The following ASB13 variants were observed in gnomAD, a reference collection of about 807,000 sequenced individuals.
The protein encoded by ASB13 is ankyrin repeat and SOCS box containing 13, also known as ankyrin repeat and SOCS box protein 13.
In ASB13, 33 loss-of-function variants were observed where a neutral mutation model predicts 28.8. The ratio of observed to expected loss-of-function variants is 1.15; its 90% CI spans 0.87 to 1.53. The LOEUF is 1.53. Ranked by LOEUF, ASB13 falls within the 40% of genes most tolerant of loss-of-function variation. The pLI is 0.00. For synonymous variants in ASB13, 182 were observed against 172.9 expected, an observed-to-expected ratio of 1.05 and a Z score of -0.41; for missense variants, 414 against 390.1, an observed-to-expected ratio of 1.06 and a Z score of -0.52.
In ASB13 at chr10:5,656,164, T is replaced by A. The variant is rs2131453769; in HGVS notation, c.44-3114A>T. On this transcript the variant is annotated intron_variant, in intron 1 of 5. Coordinates refer to ENST00000357700, the MANE Select transcript of ASB13 (RefSeq NM_024701.4). This position sits in a 1 kb window ranked among gnomAD's most constrained non-coding sequence, Gnocchi z 4.3. ...ACCTCTGTACCCCAGAACCTGGCAC[T>A]GTCCAAGAAGATGCTGGTATCCACG... Among the ~76,000 whole-genome samples, 1 of 152,286 alleles carries A rather than the reference T, an allele frequency of 6.6e-6. No individual in the cohort carries two copies.
rs1007620701 is a variant in ASB13, at chr10:5,661,970, G to T, written c.43+4539C>A. Among the ~76,000 whole-genome samples the T allele has an allele frequency of 6.6e-6, 1 of 152,138 alleles. No homozygotes were observed. The highest frequency in any genetic ancestry group is 2.4e-5 in the African/African-American group (1 of 41,432). ...AGTAAGCATTCTTGAAATGGTGAGG[G>T]TGGGCCCTCCACCCTGACCCACCCA... On this transcript the variant is annotated intron_variant, in intron 1 of 5. Coordinates refer to ENST00000357700, the MANE Select transcript of ASB13 (RefSeq NM_024701.4). The surrounding 1 kb of genome is among the most constrained non-coding windows in gnomAD (Gnocchi z 4.9).
At chr10:5,647,333 C>T (rs75888589) in intron 4 of ASB13, among the ~76,000 whole-genome samples, 4,308 of 152,284 alleles carry the variant, frequency 0.028, 213 homozygotes, top group African/African-American at 0.099. Flanking sequence ...AATTTTCCCT[C>T]AACAAAACAT....
Position 5,641,226 on chromosome 10 carries a change from C to A in ASB13, c.710-396G>T, listed in dbSNP as rs547673750. Among the ~76,000 whole-genome samples the A allele has an allele frequency of 2.6e-5, 4 of 152,228 alleles. No individual in the cohort carries two copies. In the South Asian group the frequency reaches 8.3e-4, roughly 32 times the overall value. On this transcript the variant is annotated intron_variant, in intron 5 of 5. Coordinates refer to ENST00000357700, the MANE Select transcript of ASB13 (RefSeq NM_024701.4). The surrounding 1 kb of genome is among the most constrained non-coding windows in gnomAD (Gnocchi z 8.4). ...AAGCAATTCTCCTGCCTCAACCTCC[C>A]GAGTAGCTGGGATTACAGGCACCCA...
chr10:5,666,508 C>T lies in ASB13; in HGVS notation c.43+1G>A, dbSNP rs1049518589. 2.1e-4 allele frequency: 266 copies of T among 1,289,034 alleles called. No individual in the cohort carries two copies. The highest frequency in any genetic ancestry group is 2.5e-4 in the Non-Finnish European group (257 of 1,013,634). The allele number at this position is 1,289,034 out of a possible 1,614,324, so 79.8% of individuals were successfully genotyped here. A position where few individuals can be genotyped will look rare whatever the true frequency, so the allele number is the denominator to read the frequency against. On this transcript the variant is annotated splice_donor_variant, in intron 1 of 5. Transcript: ENST00000357700. LOFTEE classifies it high-confidence loss of function. ...CTGACCTCCGCGGCGCCCGCACGTACCCACGTCGCCCAGGAAGCAGCCGTC... is the reference window on the plus strand; with the variant it reads ...CTGACCTCCGCGGCGCCCGCACGTATCCACGTCGCCCAGGAAGCAGCCGTC...
Position 5,648,982 on chromosome 10 carries a change from G to A in ASB13, c.505C>T (p.Leu169=), listed in dbSNP as rs138626467. ...AREHLDCVKV[L]LNAGANVNAA... is the part of the protein sequence containing the mutation. ...AACACCCACTCACCTGCATTGAGCA[G>A]CACTTTGACACAGTCCAGATGCTCC... Residue 169 remains leucine, a synonymous_variant, in exon 4 of 6, where the codon CTG becomes TTG. Coordinates refer to ENST00000357700, the MANE Select transcript of ASB13 (RefSeq NM_024701.4). 5 of 1,613,846 alleles carry A rather than the reference G, an allele frequency of 3.1e-6. No individual in the cohort carries two copies. In the African/African-American group the frequency reaches 6.7e-5, roughly 22 times the overall value.
rs1489751591 is a variant in ASB13, at chr10:5,664,179, G to T, written c.43+2330C>A. On this transcript the variant is annotated intron_variant, in intron 1 of 5. Coordinates refer to ENST00000357700, the MANE Select transcript of ASB13 (RefSeq NM_024701.4). The surrounding 1 kb of genome is among the most constrained non-coding windows in gnomAD (Gnocchi z 4.2). Reference sequence around the variant, plus strand: ...AACTACCCCTGGGAGGGCACTGAACGCAAAGGGATGCGCAAATCCCCATAA... The same window carrying T: ...AACTACCCCTGGGAGGGCACTGAACTCAAAGGGATGCGCAAATCCCCATAA... Among the ~76,000 whole-genome samples the T allele has an allele frequency of 6.6e-6, 1 of 152,072 alleles. No homozygotes were observed. The highest frequency in any genetic ancestry group is 1.5e-5 in the Non-Finnish European group (1 of 68,010).
chr10:5,665,829 C>T (rs901967780), intron 1 of ASB13, among the ~76,000 whole-genome samples: 3 of 152,146 alleles, frequency 2.0e-5, no homozygotes, highest in African/African-American at 7.2e-5. Context: ...TTTCATAGTG[C>T]TTCCGTCGCT....
At position 5,651,585 on chromosome 10, in the gene ASB13, A is replaced by G. The variant is rs1000552145; in HGVS notation, c.232-222T>C. ...ATCTCGTTCAGGATTCTTTTCTCTCAGGGCAGGATAAGCTCAGCAGCCCCC... is the reference window on the plus strand; with the variant it reads ...ATCTCGTTCAGGATTCTTTTCTCTCGGGGCAGGATAAGCTCAGCAGCCCCC... On this transcript the variant is annotated intron_variant, in intron 2 of 5. Coordinates refer to ENST00000357700, the MANE Select transcript of ASB13 (RefSeq NM_024701.4). The surrounding 1 kb of genome is among the most constrained non-coding windows in gnomAD (Gnocchi z 5.1). 1.9e-6 allele frequency: 1 copy of G among 527,906 alleles called. No homozygotes were observed. Among genetic ancestry groups the G allele is most frequent in the South Asian group, 2.3e-5 (1 of 42,706 alleles). The allele number at this position is 527,906 out of a possible 1,614,324, so 32.7% of individuals were successfully genotyped here.
Position 5,653,106 on chromosome 10 carries a change from G to A in ASB13, c.44-56C>T, listed in dbSNP as rs1463883968. The A allele has an allele frequency of 4.1e-6, 6 of 1,469,334 alleles. No homozygotes were observed. In the Admixed American group the frequency reaches 1.4e-4, roughly 34 times the overall value. The allele number at this position is 1,469,334 out of a possible 1,614,324, so 91.0% of individuals were successfully genotyped here. ...CCTGCCACTTCCATCCAGGACAAAT[G>A]AGCACACGTAAGACTCCAGGGTCCC... On this transcript the variant is annotated intron_variant, in intron 1 of 5. Coordinates refer to ENST00000357700, the MANE Select transcript of ASB13 (RefSeq NM_024701.4).
chr10:5,641,668 A>T lies in ASB13; in HGVS notation c.709+102T>A. On this transcript the variant is annotated intron_variant, in intron 5 of 5. Coordinates refer to ENST00000357700, the MANE Select transcript of ASB13 (RefSeq NM_024701.4). The surrounding 1 kb of genome is among the most constrained non-coding windows in gnomAD (Gnocchi z 8.4). ...CCTAGCGCAGAGGACAGGAGCCAGG[A>T]CTAACAGCCCAGCTCTCCGCGGAAG... The T allele has an allele frequency of 7.9e-7, 1 of 1,269,012 alleles. No individual in the cohort carries two copies. Among genetic ancestry groups the T allele is most frequent in the Non-Finnish European group, 1.1e-6 (1 of 924,124 alleles). 78.6% of individuals were successfully genotyped at this position (1,269,012 alleles called of 1,614,324 possible).
rs1835206646 is a variant in ASB13 at position 5,663,456 on chromosome 10, C to T, written c.43+3053G>A. On this transcript the variant is annotated intron_variant, in intron 1 of 5. Transcript: ENST00000357700. This position sits in a 1 kb window ranked among gnomAD's most constrained non-coding sequence, Gnocchi z 4.9. ...CCTTGCCCCTGGTCCACCCCAAAGGCTATGGCCCAGGGAGCATGGGGAGGG... is the reference window on the plus strand; with the variant it reads ...CCTTGCCCCTGGTCCACCCCAAAGGTTATGGCCCAGGGAGCATGGGGAGGG... 6.6e-6 allele frequency among the ~76,000 whole-genome samples: 1 copy of T among 152,126 alleles called. No individual in the cohort carries two copies. The highest frequency in any genetic ancestry group is 2.4e-5 in the African/African-American group (1 of 41,444).
In ASB13 at chr10:5,645,635, T is replaced by C. The variant is rs1416611787; in HGVS notation, c.517+3335A>G. 2.6e-5 allele frequency among the ~76,000 whole-genome samples: 4 copies of C among 152,192 alleles called. No homozygotes were observed. Among genetic ancestry groups the C allele is most frequent in the Non-Finnish European group, 5.9e-5 (4 of 68,032 alleles). ...CACCTGCACTCATGTGGGCCCCGAC[T>C]GGTTCAATCCCTCTCCCCTCTCCAC... On this transcript the variant is annotated intron_variant, in intron 4 of 5. Transcript: ENST00000357700. The surrounding 1 kb of genome is among the most constrained non-coding windows in gnomAD (Gnocchi z 5.4).
Position 5,652,892 on chromosome 10 carries a change from C to T in ASB13, c.202G>A (p.Val68Met). ...GCCCCAGCCGCCAGCAGCAGCTGCA[C>T]ACACCGCGCCTGGCCCTGCAGACTG... is the stretch of plus-strand genomic sequence containing the variant. ...AASLQGQARC[V>M]QLLLAAGAQV... The change falls in exon 2 of 6, where the codon GTG (valine) becomes ATG (methionine). Residue 68 changes from valine (V) to methionine (M), a missense_variant. By Grantham distance (21) the Val-to-Met change is conservative. Transcript: ENST00000357700. This position sits in a 1 kb window ranked among gnomAD's most constrained non-coding sequence, Gnocchi z 5.0. The T allele has an allele frequency of 1.3e-6, 2 of 1,576,102 alleles. No homozygotes were observed. Among genetic ancestry groups the T allele is most frequent in the South Asian group, 1.2e-5 (1 of 85,936 alleles).
rs1369788110 is a variant in ASB13 at position 5,655,883 on chromosome 10, C to A, written c.44-2833G>T. ...CTGAGCCGGGAAGGCGCGTTCCCGA[C>A]GTGCCTCCATTCACAAGACGTCCAG... On this transcript the variant is annotated intron_variant, in intron 1 of 5. Coordinates refer to ENST00000357700, the MANE Select transcript of ASB13 (RefSeq NM_024701.4). This position sits in a 1 kb window ranked among gnomAD's most constrained non-coding sequence, Gnocchi z 6.2. 6.6e-6 allele frequency among the ~76,000 whole-genome samples: 1 copy of A among 152,218 alleles called. No individual in the cohort carries two copies. Among genetic ancestry groups the A allele is most frequent in the African/African-American group, 2.4e-5 (1 of 41,444 alleles).
In ASB13 at chr10:5,661,011, C is replaced by G. The variant is rs1197502327; in HGVS notation, c.43+5498G>C. ...TGAGTATTTAGACCAGGGAAAGCAG[C>G]AAAGCAGACTTTTATTTTTGTTTCT... On this transcript the variant is annotated intron_variant, in intron 1 of 5. Transcript: ENST00000357700. This position sits in a 1 kb window ranked among gnomAD's most constrained non-coding sequence, Gnocchi z 4.9. Among the ~76,000 whole-genome samples, 2 of 152,244 alleles carry G rather than the reference C, an allele frequency of 1.3e-5. No individual in the cohort carries two copies. The highest frequency in any genetic ancestry group is 3.8e-4 in the East Asian group (2 of 5,202).
At position 5,660,718 on chromosome 10, in the gene ASB13, G is replaced by T. The variant is rs1323336051; in HGVS notation, c.43+5791C>A. ...AGTCCTGTGGGGAGGGCAGGTGCGG[G>T]TTCTACCATCTCATCTTTGTTCCAT... On this transcript the variant is annotated intron_variant, in intron 1 of 5. Transcript: ENST00000357700. The surrounding 1 kb of genome is among the most constrained non-coding windows in gnomAD (Gnocchi z 6.1). Among the ~76,000 whole-genome samples, 9 of 152,174 alleles carry T rather than the reference G, an allele frequency of 5.9e-5. No individual in the cohort carries two copies. Among genetic ancestry groups the T allele is most frequent in the Non-Finnish European group, 5.9e-5 (4 of 68,022 alleles).
rs1437565484 is a variant in ASB13, at chr10:5,642,444, C to A, written c.518-483G>T. 4.5e-6 allele frequency: 5 copies of A among 1,110,892 alleles called. No homozygotes were observed. Among genetic ancestry groups the A allele is most frequent in the East Asian group, 1.4e-4 (2 of 14,574 alleles). 68.8% of individuals were successfully genotyped at this position (1,110,892 alleles called of 1,614,324 possible). A position where few individuals can be genotyped will look rare whatever the true frequency, so the allele number is the denominator to read the frequency against. ...TAAATGTTCCTTAACAATGCATATTCTTTTACAAAAGGAAAACAGATAACG... is the reference window on the plus strand; with the variant it reads ...TAAATGTTCCTTAACAATGCATATTATTTTACAAAAGGAAAACAGATAACG... On this transcript the variant is annotated intron_variant, in intron 4 of 5. Transcript: ENST00000357700. This position sits in a 1 kb window ranked among gnomAD's most constrained non-coding sequence, Gnocchi z 4.1.
At chr10:5,665,380 T>C (rs1268185725) in intron 1 of ASB13, among the ~76,000 whole-genome samples, 1 of 152,210 alleles carries the variant, frequency 6.6e-6, no homozygotes. Flanking sequence ...ATGTCAAAAA[T>C]ACCAGTGAAC....
chr10:5,653,271 G>A (rs958490363), intron 1 of ASB13, among the ~76,000 whole-genome samples: 4 of 152,136 alleles, frequency 2.6e-5, no homozygotes, highest in Admixed American at 2.6e-4. Context: ...TGTGGACCCC[G>A]CTCACCTCCA....
Sources: gnomAD v4.1 joint callset for allele counts (sites outside exome capture counted in the v4.1 genomes callset) on GRCh38, gnomAD v4.1.1 for gene constraint, Gnocchi (gnomAD v3.1) non-coding constraint, MANE v1.5 for transcripts, NCBI Gene and HGNC (gene_info 2026-07-23, HGNC 2026-07-21) for gene names.